Variants in RDH14 observed in about 807,000 individuals in gnomAD.
The protein encoded by RDH14 is alcohol dehydrogenase PAN2.
RDH14 carries 17 observed loss-of-function variants against 19.3 expected under a neutral mutation model. The ratio of observed to expected loss-of-function variants is 0.88; its 90% CI spans 0.60 to 1.32. The LOEUF (loss-of-function observed/expected upper bound fraction) is 1.32, where lower values mean the gene tolerates loss of function less well. Among genes scored for constraint, RDH14 ranks in the 40% most tolerant of loss-of-function variants. The pLI is 0.00. For missense variants in RDH14, 534 were observed against 449.2 expected (o/e 1.19, Z -1.71); for synonymous variants, 215 against 188.9 (o/e 1.14, Z -1.13).
Position 18,560,500 on chromosome 2 carries a change from C to A in RDH14, c.73G>T (p.Val25Leu), listed in dbSNP as rs939002575. The A allele has an allele frequency of 6.6e-7, 1 of 1,513,214 alleles. No individual in the cohort carries two copies. Among genetic ancestry groups the A allele is most frequent in the Admixed American group, 2.0e-5 (1 of 48,958 alleles). The allele number at this position is 1,513,214 out of a possible 1,614,324, so 93.7% of individuals were successfully genotyped here. ...GALWLAARRF[V>L]GPRVQRLRRG... ...CGCAGCCGCTGGACCCTGGGCCCCA[C>A]GAACCGGCGGGCCGCCAGCCACAGC... is the stretch of plus-strand genomic sequence containing the variant. The change falls in exon 1 of 2, where the codon GTG (valine) becomes TTG (leucine). Residue 25 changes from valine to leucine, a missense_variant. Physicochemically the swap from Val to Leu is conservative, Grantham distance 32. Transcript: ENST00000381249.
At position 18,555,760 on chromosome 2, in the gene RDH14, A is replaced by G; in HGVS notation, c.442T>C (p.Cys148Arg). Residue 148 changes from cysteine to arginine, a missense_variant, in exon 2 of 2, where the codon TGC (cysteine) becomes CGC (arginine). Transcript: ENST00000381249. ...CCATCTTCAGTCTTCATGTAAGGGC[A>G]CTGGAAGATCCCTGCGTTATTGATC... ...VLINNAGIFQ[C>R]PYMKTEDGFE... is the part of the protein sequence containing the mutation. 2 of 1,613,828 alleles carry G rather than the reference A, an allele frequency of 1.2e-6. No homozygotes were observed. Among genetic ancestry groups the G allele is most frequent in the Non-Finnish European group, 1.7e-6 (2 of 1,179,746 alleles).
intron 1 of RDH14, among the ~76,000 whole-genome samples, chr2:18,556,664 A>T (rs544611104): frequency 2.0e-5 from 3 of 152,292 alleles, no homozygotes; most frequent in Admixed American, 6.5e-5. Flanking sequence ...TTTGACACCA[A>T]GGCCTATTTT....
chr2:18,560,504 C>A lies in RDH14; in HGVS notation c.69G>T (p.Arg23=). The change falls in exon 1 of 2, where the codon CGG becomes CGT. Residue 23 remains arginine, a synonymous_variant. Transcript: ENST00000381249. ...LGGALWLAAR[R]FVGPRVQRLR... The stretch of plus-strand genomic sequence containing the variant: ...GCCGCTGGACCCTGGGCCCCACGAA[C>A]CGGCGGGCCGCCAGCCACAGCGCCC... The A allele has an allele frequency of 6.6e-7, 1 of 1,512,462 alleles. No individual in the cohort carries two copies. The highest frequency in any genetic ancestry group is 8.8e-7 in the Non-Finnish European group (1 of 1,138,406). 93.7% of individuals were successfully genotyped at this position (1,512,462 alleles called of 1,614,324 possible). A position where few individuals can be genotyped will look rare whatever the true frequency, so the allele number is the denominator to read the frequency against.
At chr2:18,557,780 G>C (rs1227565427) in intron 1 of RDH14, among the ~76,000 whole-genome samples, 1 of 152,082 alleles carries the variant, frequency 6.6e-6, no homozygotes, top group Non-Finnish European at 1.5e-5. Context: ...AAGTGCCAAA[G>C]AAGCAAACCC....
In RDH14 at chr2:18,555,607, C is replaced by A; in HGVS notation, c.595G>T (p.Asp199Tyr). 1 of 1,614,052 alleles carries A rather than the reference C, an allele frequency of 6.2e-7. No individual in the cohort carries two copies. Among genetic ancestry groups the A allele is most frequent in the Non-Finnish European group, 8.5e-7 (1 of 1,179,968 alleles). The change falls in exon 2 of 2, where the codon GAC (aspartate) becomes TAC (tyrosine). Residue 199 changes from aspartate to tyrosine, a missense_variant. Physicochemically the swap from Asp to Tyr is radical, Grantham distance 160. Coordinates refer to ENST00000381249, the MANE Select transcript of RDH14 (RefSeq NM_020905.4). ...VVSSKLYKYGDINFDDLNSEQ... is the reference protein window; with the variant it reads ...VVSSKLYKYGYINFDDLNSEQ... ...CTGTTCAAGTCATCAAAATTGATGT[C>A]TCCGTATTTATAAAGTTTGGAAGAA...
At chr2:18,557,061 T>C (rs1663942199) in intron 1 of RDH14, among the ~76,000 whole-genome samples, 1 of 152,154 alleles carries the variant, frequency 6.6e-6, no homozygotes, top group South Asian at 2.1e-4. Context: ...ATCTGTACAG[T>C]CAACATTTTA....
At chr2:18,559,373 C>T (rs1474883203) in intron 1 of RDH14, among the ~76,000 whole-genome samples, 1 of 152,198 alleles carries the variant, frequency 6.6e-6, no homozygotes, top group Non-Finnish European at 1.5e-5. Context: ...GGAGACAGAC[C>T]ACAAGCAAGT....
Position 18,555,435 on chromosome 2 carries a change from C to T in RDH14, c.767G>A (p.Arg256Lys), listed in dbSNP as rs758597449. ...GACCAACAGTGGAATGTGTATGTGC[C>T]TCCCCAGATTTGTCCGTACAATACC... ...HPGIVRTNLG[R>K]HIHIPLLVKP... is the part of the protein sequence containing the mutation. The change falls in exon 2 of 2, where the codon AGG becomes AAG. Residue 256 changes from arginine to lysine, a missense_variant. Arg to Lys is a conservative substitution (Grantham distance 26). Coordinates refer to ENST00000381249, the MANE Select transcript of RDH14 (RefSeq NM_020905.4). 1.2e-6 allele frequency: 2 copies of T among 1,614,092 alleles called. No homozygotes were observed. Among genetic ancestry groups the T allele is most frequent in the East Asian group, 2.2e-5 (1 of 44,882 alleles).
chr2:18,558,071 A>G (rs1384679642), intron 1 of RDH14, among the ~76,000 whole-genome samples: 1 of 152,194 alleles, frequency 6.6e-6, no homozygotes, highest in Non-Finnish European at 1.5e-5. Context: ...CAGCTTGAAC[A>G]TTACATTGTG....
At chr2:18,556,516 G>A (rs552689886) in intron 1 of RDH14, among the ~76,000 whole-genome samples, 3 of 152,300 alleles carry the variant, frequency 2.0e-5, no homozygotes. Context: ...CTTGATAGGA[G>A]CCAGGCTTTG....
At position 18,560,352 on chromosome 2, in the gene RDH14, CA is replaced by C; in HGVS notation, c.220del (p.Cys74AlafsTer37). ...LRLGARVIMG[C>X]RDRARAEEAA... ...CTCCTCGGCGCGCGCGCGGTCCCGG[CA>C]GCCCATGATCACCCGCGCTCCCAGG... is the stretch of plus-strand genomic sequence containing the variant. On this transcript the variant is annotated frameshift_variant, in exon 1 of 2. Transcript: ENST00000381249. LOFTEE classifies it high-confidence loss of function. 7.0e-7 allele frequency: 1 copy of C among 1,428,308 alleles called. No homozygotes were observed. Among genetic ancestry groups the C allele is most frequent in the Non-Finnish European group, 9.1e-7 (1 of 1,103,360 alleles). 88.5% of individuals were successfully genotyped at this position (1,428,308 alleles called of 1,614,324 possible). A position where few individuals can be genotyped will look rare whatever the true frequency, so the allele number is the denominator to read the frequency against.
chr2:18,555,442 G>A lies in RDH14; in HGVS notation c.760C>T (p.Leu254=). 6.2e-7 allele frequency: 1 copy of A among 1,614,112 alleles called. No homozygotes were observed. The highest frequency in any genetic ancestry group is 1.1e-5 in the South Asian group (1 of 91,078). Residue 254 remains leucine, a synonymous_variant, in exon 2 of 2, where the codon CTG becomes TTG. Coordinates refer to ENST00000381249, the MANE Select transcript of RDH14 (RefSeq NM_020905.4). ...AGTGGAATGTGTATGTGCCTCCCCA[G>A]ATTTGTCCGTACAATACCAGGATGC... ...VLHPGIVRTN[L]GRHIHIPLLV... is the part of the protein sequence containing the mutation.
At chr2:18,558,036 A>G (rs958504012) in intron 1 of RDH14, among the ~76,000 whole-genome samples, 2 of 152,242 alleles carry the variant, frequency 1.3e-5, no homozygotes, top group Non-Finnish European at 2.9e-5. Context: ...TCAATACCTC[A>G]AAACTACTAG....
chr2:18,559,179 T>A (rs973357074), intron 1 of RDH14, among the ~76,000 whole-genome samples: 1 of 152,218 alleles, frequency 6.6e-6, no homozygotes, highest in African/African-American at 2.4e-5. Context: ...CAGCTAATTT[T>A]AAATTTCACT....
intron 1 of RDH14, among the ~76,000 whole-genome samples, chr2:18,557,009 C>T (rs187932370): frequency 4.7e-4 from 72 of 152,214 alleles, no homozygotes; most frequent in Non-Finnish European, 8.5e-4. Context: ...AAAAAATAAT[C>T]AGGTAATATA....
intron 1 of RDH14, among the ~76,000 whole-genome samples, 191 bp from the exon 2 acceptor site, chr2:18,555,999 G>A (rs934570483): frequency 7.9e-5 from 12 of 152,138 alleles, no homozygotes; most frequent in Admixed American, 7.2e-4. Flanking sequence ...AATGGGGAAA[G>A]GGATTCCTCC....
chr2:18,555,210 A>T lies in RDH14; in HGVS notation c.992T>A (p.Met331Lys). 6.2e-7 allele frequency: 1 copy of T among 1,613,760 alleles called. No homozygotes were observed. Among genetic ancestry groups the T allele is most frequent in the Non-Finnish European group, 8.5e-7 (1 of 1,179,666 alleles). The stretch of plus-strand genomic sequence containing the variant: ...TTGTTCCTATTTTAGCAGGCCAACC[A>T]TCACTTCACTGATATCCCAGAGTTT... ...ARKLWDISEV[M>K]VGLLK is the part of the protein sequence containing the mutation. The change falls in exon 2 of 2, where the codon ATG becomes AAG. Residue 331 changes from methionine to lysine, a missense_variant. By Grantham distance (95) the Met-to-Lys change is moderately conservative. Coordinates refer to ENST00000381249, the MANE Select transcript of RDH14 (RefSeq NM_020905.4).
In RDH14 at chr2:18,560,619, C is replaced by G; in HGVS notation, c.-47G>C. ...GGCCCCTCCACGGGAGTTCCGCAGC[C>G]GCCGCCTTACCGGAACCCAAGAGAC... On this transcript the variant is annotated 5_prime_UTR_variant, in exon 1 of 2. Coordinates refer to ENST00000381249, the MANE Select transcript of RDH14 (RefSeq NM_020905.4). 1.4e-6 allele frequency: 2 copies of G among 1,384,472 alleles called. No homozygotes were observed. Among genetic ancestry groups the G allele is most frequent in the Non-Finnish European group, 1.9e-6 (2 of 1,079,106 alleles). 85.8% of individuals were successfully genotyped at this position (1,384,472 alleles called of 1,614,324 possible).
Position 18,560,425 on chromosome 2 carries a change from C to T in RDH14, c.148G>A (p.Gly50Arg), listed in dbSNP as rs1006555626. 14 of 1,505,134 alleles carry T rather than the reference C, an allele frequency of 9.3e-6. No individual in the cohort carries two copies. The highest frequency in any genetic ancestry group is 1.2e-5 in the Non-Finnish European group (14 of 1,135,976). 93.2% of individuals were successfully genotyped at this position (1,505,134 alleles called of 1,614,324 possible). Residue 50 changes from glycine (G) to arginine (R), a missense_variant, in exon 1 of 2, where the codon GGG (glycine) becomes AGG (arginine). By Grantham distance (125) the Gly-to-Arg change is moderately radical. Coordinates refer to ENST00000381249, the MANE Select transcript of RDH14 (RefSeq NM_020905.4). ...GCGCGGCCCAGGCCGCTGTTCGCCC[C>T]GGTGATCAGCACAGTCTTCCCGTGC... ...LMHGKTVLIT[G>R]ANSGLGRATA...
Sources: gnomAD v4.1 joint callset for allele counts (sites outside exome capture counted in the v4.1 genomes callset) on GRCh38, gnomAD v4.1.1 for gene constraint, MANE v1.5 for transcripts, NCBI Gene and HGNC (gene_info 2026-07-23, HGNC 2026-07-21) for gene names.